The following HMBOX1 variants were observed in gnomAD, a reference collection of about 807,000 sequenced individuals.
HMBOX1 encodes homeobox-containing protein 1.
Under a neutral mutation model 54.5 loss-of-function variants are expected in HMBOX1, and 14 were observed. The ratio of observed to expected loss-of-function variants is 0.26; its 90% confidence interval spans 0.17 to 0.40. HMBOX1 has a LOEUF of 0.40. Ranked by LOEUF, HMBOX1 falls within the 10% of genes least tolerant of loss-of-function variation. The pLI, the probability that HMBOX1 is intolerant of heterozygous loss-of-function variation, is 1.00. For synonymous variants in HMBOX1, 160 were observed against 181.0 expected, an observed-to-expected ratio of 0.88 and a Z score of 0.93; for missense variants, 332 against 514.4, an observed-to-expected ratio of 0.65 and a Z score of 3.43.
chr8:28,934,124 A>G (rs890408883), intron 1 of HMBOX1, among the ~76,000 whole-genome samples: 1 of 152,218 alleles, frequency 6.6e-6, no homozygotes, highest in Non-Finnish European at 1.5e-5. Flanking sequence ...AAAGGTTAAT[A>G]CCTGATGACT....
intron 4 of HMBOX1, among the ~76,000 whole-genome samples, chr8:29,005,363 G>T (rs1299282820): frequency 6.6e-6 from 1 of 152,136 alleles, no homozygotes; most frequent in East Asian, 1.9e-4. Flanking sequence ...AGATAGAAAT[G>T]TAGGAAGAAT....
At chr8:28,996,177 A>G (rs1340410748) in intron 4 of HMBOX1, among the ~76,000 whole-genome samples, 2 of 151,988 alleles carry the variant, frequency 1.3e-5, no homozygotes, top group East Asian at 3.9e-4. Context: ...AAGTGTTAAG[A>G]GTTCTTTATA....
chr8:29,033,351 G>T (rs1213853451), intron 6 of HMBOX1, among the ~76,000 whole-genome samples: 1 of 152,174 alleles, frequency 6.6e-6, no homozygotes, highest in East Asian at 1.9e-4. Context: ...TACACCTCCT[G>T]TATCTCTCTA....
In HMBOX1 at chr8:29,038,240, C is replaced by CTT. The variant is rs1382111107; in HGVS notation, c.852-7118_852-7117dup. 3.9e-5 allele frequency among the ~76,000 whole-genome samples: 6 copies of CTT among 152,256 alleles called. No homozygotes were observed. The South Asian group carries it at 1.0e-3, about 26-fold the overall frequency. On this transcript the variant is annotated intron_variant, in intron 6 of 9. Transcript: ENST00000287701. ...TCATCTCTTATAAATTATTTTGCCA[C>CTT]TTTTCATTTTAATTCTTTGTTGTCA...
At position 29,047,381 on chromosome 8, in the gene HMBOX1, A is replaced by G; in HGVS notation, c.958A>G (p.Arg320Gly). The G allele has an allele frequency of 6.2e-7, 1 of 1,609,160 alleles. No individual in the cohort carries two copies. Among genetic ancestry groups the G allele is most frequent in the Non-Finnish European group, 8.5e-7 (1 of 1,175,542 alleles). Residue 320 changes from arginine (R) to glycine (G), a missense_variant, in exon 8 of 10, where the codon AGA becomes GGA. This residue lies in a region of HMBOX1 where 117 missense variants were observed against 220.0 expected (regional missense o/e 0.53). Transcript: ENST00000287701. Reference sequence around the variant, plus strand: ...AGGCAAAAAGCTGTCAGATCTGGAAAGAGTTACCTCCCTGAAAGTATATAA... The same window carrying G: ...AGGCAAAAAGCTGTCAGATCTGGAAGGAGTTACCTCCCTGAAAGTATATAA... ...KPGKKLSDLE[R>G]VTSLKVYNWF...
chr8:28,999,812 T>C (rs969170380), intron 4 of HMBOX1, among the ~76,000 whole-genome samples: 3 of 152,318 alleles, frequency 2.0e-5, no homozygotes, highest in Non-Finnish European at 4.4e-5. Flanking sequence ...TCCTGAGACA[T>C]GTTTCTTTTA....
rs1476881719 is a variant in HMBOX1, at chr8:28,913,884, C to CGG, written c.-58+23207_-58+23208dup. ...TTTTTTTTTTTTTTTTTTGCGGGGG[C>CGG]GGAGGGATGGAGTCTCACTCTTGTC... is the stretch of plus-strand genomic sequence containing the variant. On this transcript the variant is annotated intron_variant, in intron 1 of 9. Transcript: ENST00000287701. Among the ~76,000 whole-genome samples the CGG allele has an allele frequency of 2.2e-3, 221 of 100,190 alleles. 1 individual carries two copies. The East Asian group carries it at 0.022, about 10-fold the overall frequency. The allele number at this position is 100,190 out of a possible 152,430, so 65.7% of individuals were successfully genotyped here.
intron 6 of HMBOX1, among the ~76,000 whole-genome samples, chr8:29,023,037 A>G (rs1349287912): frequency 6.6e-6 from 1 of 152,102 alleles, no homozygotes; most frequent in African/African-American, 2.4e-5. Context: ...AGAAACACCA[A>G]AAAAATCTTA....
chr8:29,006,298 A>G (rs1833447385), intron 4 of HMBOX1, among the ~76,000 whole-genome samples: 1 of 151,944 alleles, frequency 6.6e-6, no homozygotes, highest in Non-Finnish European at 1.5e-5. Context: ...TGGCCGATGC[A>G]TTCTATTATT....
intron 1 of HMBOX1, among the ~76,000 whole-genome samples, chr8:28,892,637 G>T (rs1811243377): frequency 6.6e-6 from 1 of 152,028 alleles, no homozygotes; most frequent in Non-Finnish European, 1.5e-5. Context: ...TTTATGATAT[G>T]TCCTCTAACC....
At chr8:28,960,729 T>C (rs1825319630) in intron 1 of HMBOX1, among the ~76,000 whole-genome samples, 1 of 142,898 alleles carries the variant, frequency 7.0e-6, no homozygotes, top group Non-Finnish European at 1.5e-5. Flanking sequence ...GTATATTTTA[T>C]AATTGTAAAC....
chr8:28,916,336 T>G (rs1186832327), intron 1 of HMBOX1, among the ~76,000 whole-genome samples: 2 of 152,198 alleles, frequency 1.3e-5, no homozygotes, highest in Non-Finnish European at 2.9e-5. Flanking sequence ...GAATAGTATG[T>G]GCCAATCAGG....
At chr8:28,981,290 A>G (rs1288961013) in intron 4 of HMBOX1, among the ~76,000 whole-genome samples, 1 of 152,154 alleles carries the variant, frequency 6.6e-6, no homozygotes, top group Admixed American at 6.5e-5. Context: ...AAAATACTTT[A>G]GTTAAAGGTG....
chr8:29,022,078 G>A (rs907454183), intron 6 of HMBOX1, among the ~76,000 whole-genome samples: 2 of 152,148 alleles, frequency 1.3e-5, no homozygotes, highest in Non-Finnish European at 2.9e-5. Flanking sequence ...CAATATCAAG[G>A]AAAATTACCT....
At chr8:28,892,637 G>A (rs1811243377) in intron 1 of HMBOX1, among the ~76,000 whole-genome samples, 1 of 152,028 alleles carries the variant, frequency 6.6e-6, no homozygotes, top group Non-Finnish European at 1.5e-5. Flanking sequence ...TTTATGATAT[G>A]TCCTCTAACC....
chr8:28,905,422 G>A (rs1398826576), intron 1 of HMBOX1, among the ~76,000 whole-genome samples: 2 of 152,208 alleles, frequency 1.3e-5, no homozygotes, highest in Admixed American at 1.3e-4. Context: ...GCATAATATA[G>A]TTTTAGATTT....
chr8:28,952,322 C>G (rs958935894), intron 1 of HMBOX1, among the ~76,000 whole-genome samples: 1 of 152,088 alleles, frequency 6.6e-6, no homozygotes, highest in Non-Finnish European at 1.5e-5. Flanking sequence ...CAGCCACCAC[C>G]TCCTGGGTTC....
intron 4 of HMBOX1, among the ~76,000 whole-genome samples, chr8:28,992,956 CAT>C (rs1220832919): frequency 1.3e-5 from 2 of 150,464 alleles, no homozygotes; most frequent in African/African-American, 4.9e-5. Flanking sequence ...CCCCTTCCCA[CAT>C]GAGACTAATG....
At chr8:28,982,731 T>C (rs1182863837) in intron 4 of HMBOX1, among the ~76,000 whole-genome samples, 2 of 152,102 alleles carry the variant, frequency 1.3e-5, no homozygotes, top group Non-Finnish European at 2.9e-5. Flanking sequence ...GTTCAAGCGA[T>C]TCTCCTGCCT....
Sources: allele counts gnomAD v4.1 joint callset (sites outside exome capture counted in the v4.1 genomes callset), GRCh38; gene constraint gnomAD v4.1.1; regional missense constraint gnomAD v4.1.1; transcripts MANE v1.5; gene names NCBI Gene and HGNC (gene_info 2026-07-23, HGNC 2026-07-21).